PRR35: variants seen among roughly 807,000 people sequenced by gnomAD.
PRR35 encodes proline-rich protein 35.
In PRR35, 14 loss-of-function variants were observed where a neutral mutation model predicts 18.6. That is an observed-to-expected ratio of 0.75 (90% CI 0.50 to 1.18). The LOEUF is 1.18. PRR35 is among the 50% of genes most tolerant of loss of function. The probability of loss-of-function intolerance (pLI) is 0.00; values close to 1 mark genes in which losing one functional copy is unlikely to be tolerated. For synonymous variants in PRR35, 425 were observed against 378.2 expected (o/e 1.12, Z -1.43); for missense variants, 832 against 792.2 (o/e 1.05, Z -0.60).
In PRR35 at chr16:564,392, T is replaced by C. The variant is rs1197261059; in HGVS notation, c.1082+16T>C. On this transcript the variant is annotated intron_variant, in intron 2 of 2. Transcript: ENST00000409413. ...CCCGGAGCAGGTGGGCGTCTTGGGC[T>C]CCCGGTTCCTGGGGTGGACGGAGGG... 2 of 1,588,266 alleles carry C rather than the reference T, an allele frequency of 1.3e-6. No homozygotes were observed. Among genetic ancestry groups the C allele is most frequent in the African/African-American group, 2.7e-5 (2 of 74,410 alleles).
rs2035516166 is a variant in PRR35, at chr16:565,173, C to G, written c.1582C>G (p.Pro528Ala). Reference sequence around the variant, plus strand: ...TGAGGCCGACTCCAGCGTCCCACCCCCAGGGCTCCCCCTCGCAGCCCCAGA... The same window carrying G: ...TGAGGCCGACTCCAGCGTCCCACCCGCAGGGCTCCCCCTCGCAGCCCCAGA... ...KCEADSSVPP[P>A]GLPLAAPDDP... The change falls in exon 3 of 3, where the codon CCA becomes GCA. Residue 528 changes from proline (P) to alanine (A), a missense_variant. Pro to Ala is a conservative substitution (Grantham distance 27, BLOSUM62 -1). Transcript: ENST00000409413. The G allele has an allele frequency of 5.0e-6, 8 of 1,610,892 alleles. No homozygotes were observed. The highest frequency in any genetic ancestry group is 6.8e-6 in the Non-Finnish European group (8 of 1,179,074).
intron 1 of PRR35, chr16:561,620 G>A (rs939049266): frequency 6.9e-5 from 38 of 547,972 alleles, no homozygotes; most frequent in Non-Finnish European, 2.3e-6. Flanking sequence ...TGCCCCTGCA[G>A]CCCGTGACTG....
In PRR35 at chr16:562,149, A is replaced by AGATG. The variant is rs576108920; in HGVS notation, c.-39-1104_-39-1101dup. Among the ~76,000 whole-genome samples the AGATG allele has an allele frequency of 3.9e-4, 59 of 152,348 alleles. 1 individual carries two copies. Among genetic ancestry groups the AGATG allele is most frequent in the Admixed American group, 2.8e-3 (43 of 15,310 alleles). ...CGGTGGACAGCCCAGGTGGCGGCCC[A>AGATG]GATGGAGTGTGGCGCGCATACCAGC... is the stretch of plus-strand genomic sequence containing the variant. On this transcript the variant is annotated intron_variant, in intron 1 of 2. Coordinates refer to ENST00000409413, the MANE Select transcript of PRR35 (RefSeq NM_145270.3).
chr16:560,637 C>A lies in PRR35; in HGVS notation c.-64C>A, dbSNP rs1235416277. ...CCTACACGCGGCCTCGCAGACTTGGCGGCTCCGCTCCCGGCCGGGCGCAGG... is the reference window on the plus strand; with the variant it reads ...CCTACACGCGGCCTCGCAGACTTGGAGGCTCCGCTCCCGGCCGGGCGCAGG... On this transcript the variant is annotated 5_prime_UTR_variant, in exon 1 of 3. Transcript: ENST00000409413. 3.1e-6 allele frequency: 3 copies of A among 981,948 alleles called. No individual in the cohort carries two copies. Among genetic ancestry groups the A allele is most frequent in the Non-Finnish European group, 3.6e-6 (3 of 828,882 alleles). The allele number at this position is 981,948 out of a possible 1,614,324, so 60.8% of individuals were successfully genotyped here.
In PRR35 at chr16:563,878, C is replaced by T. The variant is rs1210236778; in HGVS notation, c.584C>T (p.Pro195Leu). The T allele has an allele frequency of 6.4e-7, 1 of 1,574,466 alleles. No homozygotes were observed. Residue 195 changes from proline to leucine, a missense_variant, in exon 2 of 3, where the codon CCA (proline) becomes CTA (leucine). By Grantham distance (98) the Pro-to-Leu change is moderately conservative (BLOSUM62 -3). Coordinates refer to ENST00000409413, the MANE Select transcript of PRR35 (RefSeq NM_145270.3). ...GSVPCYPPPA[P>L]GEFPEAHSLH... is the part of the protein sequence containing the mutation. ...GTCCCCTGCTATCCCCCGCCTGCCC[C>T]AGGGGAGTTCCCTGAGGCCCACAGC... is the stretch of plus-strand genomic sequence containing the variant.
Position 564,787 on chromosome 16 carries a change from G to A in PRR35, c.1196G>A (p.Gly399Glu), listed in dbSNP as rs751350091. Residue 399 changes from glycine to glutamate, a missense_variant, in exon 3 of 3, where the codon GGA becomes GAA. Coordinates refer to ENST00000409413, the MANE Select transcript of PRR35 (RefSeq NM_145270.3). The stretch of plus-strand genomic sequence containing the variant: ...CTGCAGCCACGGGGCCCAGTGCCAG[G>A]AAGCCCGGAGCATGTGGGCGAGGAC... ...LPLQPRGPVP[G>E]SPEHVGEDLT... is the part of the protein sequence containing the mutation. The A allele has an allele frequency of 1.9e-6, 3 of 1,548,554 alleles. No individual in the cohort carries two copies. Among genetic ancestry groups the A allele is most frequent in the Non-Finnish European group, 2.6e-6 (3 of 1,152,920 alleles).
rs1743993287 is a variant in PRR35 at position 562,809 on chromosome 16, G to T, written c.-39-447G>T. On this transcript the variant is annotated intron_variant, in intron 1 of 2. Transcript: ENST00000409413. ...CCACTCACATGCTGTGGGGAGATGG[G>T]TGTGGGCTGAACTATCCTAGAAATT... 5.9e-5 allele frequency among the ~76,000 whole-genome samples: 9 copies of T among 152,230 alleles called. No homozygotes were observed. The South Asian group carries it at 1.9e-3, about 31-fold the overall frequency.
chr16:560,764 G>A lies in PRR35; in HGVS notation c.-40+103G>A, dbSNP rs568814940. 7.2e-4 allele frequency: 641 copies of A among 890,984 alleles called. 1 individual carries two copies. Among genetic ancestry groups the A allele is most frequent in the Non-Finnish European group, 8.4e-4 (622 of 744,250 alleles). 55.2% of individuals were successfully genotyped at this position (890,984 alleles called of 1,614,324 possible). A position where few individuals can be genotyped will look rare whatever the true frequency, so the allele number is the denominator to read the frequency against. ...GTGGCCAGGCGTGTGGGGGGCGCGG[G>A]GGGCGGCCGGGTCCCCCCCACCCTC... On this transcript the variant is annotated intron_variant, in intron 1 of 2. Transcript: ENST00000409413.
chr16:562,523 G>A (rs62034770), intron 1 of PRR35, among the ~76,000 whole-genome samples: 105 of 122,110 alleles, frequency 8.6e-4, no homozygotes, highest in Middle Eastern at 3.6e-3. Context: ...ACACACAGGC[G>A]CACACACGTG....
At position 565,038 on chromosome 16, in the gene PRR35, G is replaced by A. The variant is rs1360290058; in HGVS notation, c.1447G>A (p.Ala483Thr). Reference sequence around the variant, plus strand: ...CAAGGGGCCCCAGGCTCTTGGAGAGGCGTGGGGGCGGCCCGAGCTGGGTCC... The same window carrying A: ...CAAGGGGCCCCAGGCTCTTGGAGAGACGTGGGGGCGGCCCGAGCTGGGTCC... ...PAKGPQALGEAWGRPELGPVL... is the reference protein window; with the variant it reads ...PAKGPQALGETWGRPELGPVL... Residue 483 changes from alanine to threonine, a missense_variant, in exon 3 of 3, where the codon GCG (alanine) becomes ACG (threonine). Coordinates refer to ENST00000409413, the MANE Select transcript of PRR35 (RefSeq NM_145270.3). 2.5e-6 allele frequency: 4 copies of A among 1,597,204 alleles called. No individual in the cohort carries two copies. Among genetic ancestry groups the A allele is most frequent in the Admixed American group, 1.7e-5 (1 of 58,174 alleles).
rs975374695 is a variant in PRR35 at position 564,799 on chromosome 16, A to G, written c.1208A>G (p.His403Arg). ...PRGPVPGSPE[H>R]VGEDLTRALG... is the part of the protein sequence containing the mutation. ...GGCCCAGTGCCAGGAAGCCCGGAGC[A>G]TGTGGGCGAGGACCTGACCCGAGCC... Residue 403 changes from histidine (H) to arginine (R), a missense_variant, in exon 3 of 3, where the codon CAT (histidine) becomes CGT (arginine). Physicochemically the swap from His to Arg is conservative, Grantham distance 29. Transcript: ENST00000409413. The G allele has an allele frequency of 6.4e-7, 1 of 1,555,934 alleles. No individual in the cohort carries two copies. The highest frequency in any genetic ancestry group is 8.7e-7 in the Non-Finnish European group (1 of 1,156,064).
chr16:560,099 G>A (rs1056989472), upstream of PRR35, among the ~76,000 whole-genome samples: 3 of 151,818 alleles, frequency 2.0e-5, no homozygotes, highest in Non-Finnish European at 2.9e-5. Flanking sequence ...TGCGGGCAAC[G>A]GGGGCGGGAG....
chr16:561,522 C>T (rs556216674), intron 1 of PRR35, among the ~76,000 whole-genome samples: 5 of 152,334 alleles, frequency 3.3e-5, no homozygotes, highest in South Asian at 2.1e-4. Context: ...TGCAGCCCCT[C>T]GGGGAGCCCC....
chr16:563,651 C>T lies in PRR35; in HGVS notation c.357C>T (p.Ala119=), dbSNP rs9926876. ...GAAPAPDLVV[A]DIHSLHCGGG... ...CCCCCGCGCCTGACCTCGTGGTCGC[C>T]GACATCCACTCCCTGCACTGTGGCG... The change falls in exon 2 of 3, where the codon GCC becomes GCT. Residue 119 remains alanine (A), a synonymous_variant. Transcript: ENST00000409413. 1,505 of 1,575,906 alleles carry T rather than the reference C, an allele frequency of 9.6e-4. 11 individuals are homozygous for T. In the African/African-American group the frequency reaches 0.017, roughly 18 times the overall value.
At position 563,648 on chromosome 16, in the gene PRR35, C is replaced by T. The variant is rs373128972; in HGVS notation, c.354C>T (p.Val118=). The T allele has an allele frequency of 4.2e-5, 66 of 1,576,084 alleles. No individual in the cohort carries two copies. The highest frequency in any genetic ancestry group is 5.2e-5 in the Non-Finnish European group (61 of 1,168,016). ...CTGCCCCCGCGCCTGACCTCGTGGT[C>T]GCCGACATCCACTCCCTGCACTGTG... ...TGAAPAPDLV[V]ADIHSLHCGG... Residue 118 remains valine, a synonymous_variant, in exon 2 of 3, where the codon GTC becomes GTT. Transcript: ENST00000409413.
rs1268563258 is a variant in PRR35, at chr16:564,955, A to G, written c.1364A>G (p.Glu455Gly). 1 of 1,605,452 alleles carries G rather than the reference A, an allele frequency of 6.2e-7. No homozygotes were observed. Among genetic ancestry groups the G allele is most frequent in the Non-Finnish European group, 8.5e-7 (1 of 1,178,190 alleles). The change falls in exon 3 of 3, where the codon GAG (glutamate) becomes GGG (glycine). Residue 455 changes from glutamate (E) to glycine (G), a missense_variant. Glu to Gly is a moderately conservative substitution (Grantham distance 98, BLOSUM62 -2). Transcript: ENST00000409413. ...LELLTIHQAL[E>G]QAVRPPDAPL... ...CTGCTCACCATTCACCAGGCGCTGG[A>G]GCAGGCCGTGAGGCCGCCAGACGCA...
chr16:564,489 G>A, intron 2 of PRR35, 113 bp downstream of exon 2: 1 of 1,456,658 alleles, frequency 6.9e-7, no homozygotes, highest in Non-Finnish European at 9.1e-7. Context: ...TCAGTCGCTG[G>A]GAAAGTGGGC....
At chr16:560,737 G>A (rs1049089858) in intron 1 of PRR35, 76 bp downstream of exon 1, 1 of 954,266 alleles carries the variant, frequency 1.0e-6, no homozygotes, top group Non-Finnish European at 1.2e-6. Flanking sequence ...CGGGGGCAGC[G>A]GGTGGCCAGG....
Position 563,506 on chromosome 16 carries a change from C to G in PRR35, c.212C>G (p.Ser71Cys). Residue 71 changes from serine (S) to cysteine (C), a missense_variant, in exon 2 of 3, where the codon TCC becomes TGC. Around this residue, in one of 3 missense-constraint regions of PRR35, gnomAD observed 768 missense variants for 704.1 expected, o/e 1.09. Transcript: ENST00000409413. Reference sequence around the variant, plus strand: ...GACTCCCTGTCCCTGCTGCTAGACTCCCCAGACTGGGCGTGCCGCCGTGGC... The same window carrying G: ...GACTCCCTGTCCCTGCTGCTAGACTGCCCAGACTGGGCGTGCCGCCGTGGC... ...CKDSLSLLLD[S>C]PDWACRRGST... 1 of 1,612,240 alleles carries G rather than the reference C, an allele frequency of 6.2e-7. No homozygotes were observed. The highest frequency in any genetic ancestry group is 8.5e-7 in the Non-Finnish European group (1 of 1,179,572).
Sources: allele counts gnomAD v4.1 joint callset (sites outside exome capture counted in the v4.1 genomes callset), GRCh38; gene constraint gnomAD v4.1.1; regional missense constraint gnomAD v4.1.1; transcripts MANE v1.5; gene names NCBI Gene and HGNC (gene_info 2026-07-23, HGNC 2026-07-21).